The following ZDHHC2 variants were observed in gnomAD, a reference collection of about 807,000 sequenced individuals.
ZDHHC2 encodes zDHHC palmitoyltransferase 2, also known as palmitoyltransferase ZDHHC2.
Under a neutral mutation model 55.6 loss-of-function variants are expected in ZDHHC2, and 51 were observed. The ratio of observed to expected loss-of-function variants is 0.92; its 90% CI spans 0.73 to 1.16. The LOEUF is 1.16. ZDHHC2 is among the 50% of genes most tolerant of loss of function. The probability of loss-of-function intolerance (pLI) is 0.00; values close to 1 mark genes in which losing one functional copy is unlikely to be tolerated. For synonymous variants in ZDHHC2, 199 were observed against 152.9 expected, an observed-to-expected ratio of 1.30 and a Z score of -2.22; for missense variants, 491 against 442.4, an observed-to-expected ratio of 1.11 and a Z score of -0.99.
At chr8:17,170,583 T>C (rs528853339) in intron 1 of ZDHHC2, among the ~76,000 whole-genome samples, 18 of 152,344 alleles carry the variant, frequency 1.2e-4, no homozygotes, top group African/African-American at 4.3e-4. Flanking sequence ...CTAACCCTGC[T>C]AGATGGTTTT....
intron 4 of ZDHHC2, among the ~76,000 whole-genome samples, chr8:17,197,249 A>T (rs1285263761): frequency 6.6e-6 from 1 of 152,160 alleles, no homozygotes; most frequent in African/African-American, 2.4e-5. Context: ...CAAGAAATAA[A>T]TTGGTTTAAT....
rs1443308565 is a variant in ZDHHC2 at position 17,184,831 on chromosome 8, TTAA to T, written c.157+18_157+20del. 3.6e-5 allele frequency: 55 copies of T among 1,534,420 alleles called. No individual in the cohort carries two copies. Among genetic ancestry groups the T allele is most frequent in the Non-Finnish European group, 4.7e-5 (54 of 1,139,908 alleles). On this transcript the variant is annotated intron_variant, in intron 2 of 12. Transcript: ENST00000262096. Reference sequence around the variant, plus strand: ...GGCGAACAAGGTAAGCTAGATTATATTAATGTTATAGATTTTTTAAATAGTTTG... The same window carrying T: ...GGCGAACAAGGTAAGCTAGATTATATTGTTATAGATTTTTTAAATAGTTTG...
intron 5 of ZDHHC2, among the ~76,000 whole-genome samples, chr8:17,198,009 A>G (rs1233236279): frequency 1.3e-5 from 2 of 152,252 alleles, no homozygotes; most frequent in Admixed American, 6.5e-5. Context: ...CTCCAAGGAC[A>G]GTATGACTTG....
In ZDHHC2 at chr8:17,221,033, C is replaced by T. The variant is rs201131131; in HGVS notation, c.*812C>T. On this transcript the variant is annotated 3_prime_UTR_variant, in exon 13 of 13. Transcript: ENST00000262096. Reference sequence around the variant, plus strand: ...TTATGACATTCTTTTGTCAGTTTGGCTTTCTAAAAATCTCTTTTTAGATTA... The same window carrying T: ...TTATGACATTCTTTTGTCAGTTTGGTTTTCTAAAAATCTCTTTTTAGATTA... 1 of 152,230 alleles carries T rather than the reference C, an allele frequency of 6.6e-6. No homozygotes were observed. The highest frequency in any genetic ancestry group is 1.5e-5 in the Non-Finnish European group (1 of 67,992). 9.4% of individuals were successfully genotyped at this position (152,230 alleles called of 1,614,324 possible).
intron 7 of ZDHHC2, 34 bp downstream of exon 7, chr8:17,205,809 A>G (rs749543584): frequency 5.7e-6 from 9 of 1,570,594 alleles, no homozygotes; most frequent in Admixed American, 3.9e-5. Context: ...TTTTTTTGGT[A>G]TACAATAATA....
chr8:17,190,882 A>C (rs944162885), intron 3 of ZDHHC2, among the ~76,000 whole-genome samples: 17 of 151,756 alleles, frequency 1.1e-4, no homozygotes, highest in Non-Finnish European at 2.4e-4. Flanking sequence ...GTTATTTTAA[A>C]ATGTACAATT....
intron 6 of ZDHHC2, among the ~76,000 whole-genome samples, chr8:17,203,079 T>TTTTTTA (rs1806889428): frequency 6.7e-6 from 1 of 150,302 alleles, no homozygotes; most frequent in African/African-American, 2.5e-5. Context: ...TTTTTTTTTT[T>TTTTTTA]GAGATGGAAT....
intron 4 of ZDHHC2, among the ~76,000 whole-genome samples, chr8:17,196,543 G>A (rs1368553041): frequency 6.6e-6 from 1 of 150,598 alleles, no homozygotes; most frequent in Admixed American, 6.6e-5. Flanking sequence ...GACAGAGTGA[G>A]ACCCTGTCTC....
At chr8:17,180,363 G>T (rs941505933) in intron 1 of ZDHHC2, among the ~76,000 whole-genome samples, 1 of 152,048 alleles carries the variant, frequency 6.6e-6, no homozygotes, top group Non-Finnish European at 1.5e-5. Flanking sequence ...CGTTTAAAAA[G>T]GCAATTGACT....
chr8:17,198,071 C>T (rs78052341), intron 5 of ZDHHC2, among the ~76,000 whole-genome samples: 6,555 of 152,132 alleles, frequency 0.043, 484 homozygotes, highest in African/African-American at 0.15. Flanking sequence ...TCCGTAAATC[C>T]GTTGCAGTTT....
Position 17,223,940 on chromosome 8 carries a change from T to C in ZDHHC2, c.*3719T>C, listed in dbSNP as rs1325924841. 6.6e-6 allele frequency: 1 copy of C among 151,774 alleles called. No homozygotes were observed. Among genetic ancestry groups the C allele is most frequent in the Admixed American group, 6.6e-5 (1 of 15,182 alleles). 9.4% of individuals were successfully genotyped at this position (151,774 alleles called of 1,614,324 possible). On this transcript the variant is annotated 3_prime_UTR_variant, in exon 13 of 13. Transcript: ENST00000262096. ...GAAAGGATGAAATCAAGTAGGCTTG[T>C]TTCAAAGAGACTCCTGTGAATCAAC... is the stretch of plus-strand genomic sequence containing the variant.
intron 10 of ZDHHC2, among the ~76,000 whole-genome samples, chr8:17,213,077 T>A (rs531235815): frequency 3.3e-5 from 5 of 152,176 alleles, no homozygotes; most frequent in Non-Finnish European, 5.9e-5. Context: ...GTTCCTTATG[T>A]AGTGCCTTGT....
At chr8:17,207,175 C>T (rs1263504525) in intron 7 of ZDHHC2, among the ~76,000 whole-genome samples, 2 of 152,140 alleles carry the variant, frequency 1.3e-5, no homozygotes, top group African/African-American at 4.8e-5. Flanking sequence ...TGGTCAGGGA[C>T]GACAGGGTAT....
intron 3 of ZDHHC2, among the ~76,000 whole-genome samples, chr8:17,191,073 T>C: frequency 6.8e-6 from 1 of 147,960 alleles, no homozygotes; most frequent in East Asian, 2.1e-4. Context: ...GGGATTCTCC[T>C]GCCTCAGCCT....
chr8:17,171,941 C>T (rs1276954063), intron 1 of ZDHHC2, among the ~76,000 whole-genome samples: 1 of 152,030 alleles, frequency 6.6e-6, no homozygotes, highest in Non-Finnish European at 1.5e-5. Context: ...GGTTCTTTCA[C>T]TGGCAGCCCC....
chr8:17,174,190 T>C (rs1029913652), intron 1 of ZDHHC2, among the ~76,000 whole-genome samples: 1 of 151,872 alleles, frequency 6.6e-6, no homozygotes, highest in Non-Finnish European at 1.5e-5. Flanking sequence ...CCAGATTTAA[T>C]CAATCTTTCT....
rs144458017 is a variant in ZDHHC2, at chr8:17,171,233, T to A, written c.131-13556T>A. Among the ~76,000 whole-genome samples the A allele has an allele frequency of 2.3e-3, 357 of 152,268 alleles. 2 individuals are homozygous for A. Among genetic ancestry groups the A allele is most frequent in the African/African-American group, 8.2e-3 (341 of 41,544 alleles). On this transcript the variant is annotated intron_variant, in intron 1 of 12. Coordinates refer to ENST00000262096, the MANE Select transcript of ZDHHC2 (RefSeq NM_016353.5). ...AAAAGGAAACACCCATACAACTCTATCTAAACAGGAGAAGTAAACTTACAG... is the reference window on the plus strand; with the variant it reads ...AAAAGGAAACACCCATACAACTCTAACTAAACAGGAGAAGTAAACTTACAG...
At chr8:17,177,943 CAGATTAAGAAAATAA>C (rs1291784013) in intron 1 of ZDHHC2, among the ~76,000 whole-genome samples, 1 of 152,070 alleles carries the variant, frequency 6.6e-6, no homozygotes, top group African/African-American at 2.4e-5. Context: ...AAAGAAAATT[CAGATTAAGAAAATAA>C]ATGTTAAAAT....
intron 6 of ZDHHC2, among the ~76,000 whole-genome samples, chr8:17,199,138 C>T (rs1457988191): frequency 6.6e-6 from 1 of 152,112 alleles, no homozygotes; most frequent in Non-Finnish European, 1.5e-5. Context: ...TAGACATGCC[C>T]ACAGGTCCAC....
Sources: gnomAD v4.1 joint callset for allele counts (sites outside exome capture counted in the v4.1 genomes callset) on GRCh38, gnomAD v4.1.1 for gene constraint, MANE v1.5 for transcripts, NCBI Gene and HGNC (gene_info 2026-07-23, HGNC 2026-07-21) for gene names.